The following SLC2A5 variants were observed in gnomAD, a reference collection of about 807,000 sequenced individuals.
SLC2A5 encodes solute carrier family 2 member 5.
A neutral mutation model predicts 50.3 loss-of-function variants in SLC2A5; 56 were observed. That is an observed-to-expected ratio of 1.11 (90% CI 0.90 to 1.39). The LOEUF (loss-of-function observed/expected upper bound fraction) is 1.39. Among genes scored for constraint, SLC2A5 ranks in the 40% most tolerant of loss-of-function variants. The probability of loss-of-function intolerance (pLI) is 0.00; values close to 1 mark genes in which losing one functional copy is unlikely to be tolerated. For synonymous variants in SLC2A5, 269 were observed against 281.9 expected, an observed-to-expected ratio of 0.95 and a Z score of 0.46; for missense variants, 566 against 650.1, an observed-to-expected ratio of 0.87 and a Z score of 1.41.
Position 9,059,715 on chromosome 1 carries a change from T to C in SLC2A5, c.34-1465A>G, listed in dbSNP as rs542279502. 2.6e-5 allele frequency among the ~76,000 whole-genome samples: 4 copies of C among 151,330 alleles called. No homozygotes were observed. The East Asian group carries it at 5.8e-4, about 22-fold the overall frequency. ...TGGCTAATTAAAAAATATATTTTTA[T>C]AGAGACAGGGGTCTCATTATATTGT... On this transcript the variant is annotated intron_variant, in intron 1 of 11. Transcript: ENST00000377424.
At position 9,039,824 on chromosome 1, in the gene SLC2A5, G is replaced by A. The variant is rs1641249364; in HGVS notation, c.861C>T (p.Gly287=). 6.2e-7 allele frequency: 1 copy of A among 1,601,548 alleles called. No homozygotes were observed. The highest frequency in any genetic ancestry group is 8.5e-7 in the Non-Finnish European group (1 of 1,174,818). Residue 287 remains glycine, a synonymous_variant, in exon 7 of 12, where the codon GGC becomes GGT. Coordinates refer to ENST00000377424, the MANE Select transcript of SLC2A5 (RefSeq NM_003039.3). ...QLLSIIVLMG[G]QQLSGVNAIY... ...CAGCGTTGACGCCCGACAGCTGCTG[G>A]CCGCCCATGAGGACGATGATGGACA...
intron 2 of SLC2A5, among the ~76,000 whole-genome samples, chr1:9,081,483 A>G (rs1469339946): frequency 2.0e-5 from 3 of 150,512 alleles, no homozygotes; most frequent in Admixed American, 2.0e-4. Flanking sequence ...AAAAAAAAAA[A>G]AAAAAAGTAA....
chr1:9,038,063 G>C (rs192033698), intron 10 of SLC2A5, 39 bp from the exon 11 acceptor site: 10 of 1,608,002 alleles, frequency 6.2e-6, no homozygotes, highest in Admixed American at 1.7e-5. Flanking sequence ...AAGGCAGAGC[G>C]GGCCCGAGCA....
chr1:9,039,007 G>T, intron 8 of SLC2A5, 78 bp from the exon 9 acceptor site: 1 of 1,531,764 alleles, frequency 6.5e-7, no homozygotes, highest in South Asian at 1.2e-5. Context: ...GGGCAGCTGT[G>T]AGGAGAGCTG....
At chr1:9,062,586 TC>T (rs1641973480) in intron 1 of SLC2A5, among the ~76,000 whole-genome samples, 1 of 151,992 alleles carries the variant, frequency 6.6e-6, no homozygotes, top group Non-Finnish European at 1.5e-5. Flanking sequence ...AAAAAATTAC[TC>T]CAGGCTGGGC....
At chr1:9,078,288 C>T (rs976378260) in intron 2 of SLC2A5, among the ~76,000 whole-genome samples, 1 of 152,128 alleles carries the variant, frequency 6.6e-6, no homozygotes, top group Non-Finnish European at 1.5e-5. Context: ...GCTTCTTTAC[C>T]ACATCCTTTC....
chr1:9,065,254 T>G (rs1402978850), intron 1 of SLC2A5, among the ~76,000 whole-genome samples: 3 of 152,136 alleles, frequency 2.0e-5, no homozygotes, highest in Non-Finnish European at 4.4e-5. Flanking sequence ...TTGGCCCCAG[T>G]ACACTCTCTA....
At chr1:9,070,551 G>GC (rs1034548571), upstream of SLC2A5, among the ~76,000 whole-genome samples, 3 of 152,148 alleles carry the variant, frequency 2.0e-5, no homozygotes, top group African/African-American at 4.8e-5. Context: ...GCCACTGTCA[G>GC]CCCCCCATGT....
At chr1:9,042,570 GTA>G (rs1236258684) in intron 4 of SLC2A5, among the ~76,000 whole-genome samples, 2 of 107,918 alleles carry the variant, frequency 1.9e-5, no homozygotes, top group Non-Finnish European at 3.6e-5. Context: ...GCATGTGTGT[GTA>G]CATATATATA....
At chr1:9,075,311 T>A (rs745547270) in intron 2 of SLC2A5, among the ~76,000 whole-genome samples, 4 of 152,150 alleles carry the variant, frequency 2.6e-5, no homozygotes, top group Non-Finnish European at 5.9e-5. Flanking sequence ...ACATCCCGGT[T>A]GACAGAAGAA....
rs1641178918 is a variant in SLC2A5, at chr1:9,037,973, G to A, written c.1226C>T (p.Pro409Leu). Residue 409 changes from proline to leucine, a missense_variant, in exon 11 of 12, where the codon CCA (proline) becomes CTA (leucine). Physicochemically the swap from Pro to Leu is moderately conservative, Grantham distance 98 (BLOSUM62 -3). Transcript: ENST00000377424. Reference sequence around the variant, plus strand: ...ACTGCCCCCCACCATGAAGGCAGATGGCCGAGAGGACTGCAGGAAGATCTC... The same window carrying A: ...ACTGCCCCCCACCATGAAGGCAGATAGCCGAGAGGACTGCAGGAAGATCTC... ...ITEIFLQSSR[P>L]SAFMVGGSVH... The A allele has an allele frequency of 6.2e-7, 1 of 1,614,022 alleles. No individual in the cohort carries two copies.
At chr1:9,079,078 C>T (rs751336004) in intron 2 of SLC2A5, among the ~76,000 whole-genome samples, 1 of 152,146 alleles carries the variant, frequency 6.6e-6, no homozygotes, top group Non-Finnish European at 1.5e-5. Flanking sequence ...CCACACCCCA[C>T]CTTGGGCATG....
At chr1:9,061,929 C>A (rs537632199) in intron 1 of SLC2A5, among the ~76,000 whole-genome samples, 1 of 152,164 alleles carries the variant, frequency 6.6e-6, no homozygotes, top group East Asian at 1.9e-4. Context: ...GAGATCAGAG[C>A]GACTAAATGA....
At chr1:9,085,764 CG>C (rs1642395438) in intron 1 of SLC2A5, among the ~76,000 whole-genome samples, 1 of 152,094 alleles carries the variant, frequency 6.6e-6, no homozygotes, top group Non-Finnish European at 1.5e-5. Flanking sequence ...TGGTGCAGGA[CG>C]GGGCAGGTTT....
rs1366141384 is a variant in SLC2A5, at chr1:9,039,027, GGTGCCCACCCAT to G, written c.997-110_997-99del. The G allele has an allele frequency of 3.6e-6, 5 of 1,403,390 alleles. No homozygotes were observed. The African/African-American group carries it at 5.7e-5, about 16-fold the overall frequency. 86.9% of individuals were successfully genotyped at this position (1,403,390 alleles called of 1,614,324 possible). On this transcript the variant is annotated intron_variant, in intron 8 of 11. Transcript: ENST00000377424. Reference sequence around the variant, plus strand: ...GCTGTGAGGAGAGCTGGGCGGACCGGGTGCCCACCCATGTGCACGCACACTCACATTCACATG... The same window carrying G: ...GCTGTGAGGAGAGCTGGGCGGACCGGGTGCACGCACACTCACATTCACATG...
At chr1:9,067,891 G>C (rs1416812739) in intron 1 of SLC2A5, among the ~76,000 whole-genome samples, 1 of 152,112 alleles carries the variant, frequency 6.6e-6, no homozygotes, top group Non-Finnish European at 1.5e-5. Flanking sequence ...TGATTGAAAA[G>C]TAGTAACATT....
At chr1:9,091,267 C>T (rs145639492), upstream of SLC2A5, among the ~76,000 whole-genome samples, 912 of 152,304 alleles carry the variant, frequency 6.0e-3, 5 homozygotes, top group African/African-American at 0.021. Flanking sequence ...CGCTTTAGGC[C>T]TTCCAAATCC....
At chr1:9,068,189 C>CAAA (rs755203801) in intron 1 of SLC2A5, among the ~76,000 whole-genome samples, 30,326 of 76,674 alleles carry the variant, frequency 0.4, 5,688 homozygotes, top group East Asian at 0.61. Flanking sequence ...GACTCTGTGT[C>CAAA]AAAAAAAAAA....
chr1:9,058,065 G>A (rs1037939021), intron 2 of SLC2A5, 87 bp downstream of exon 2: 23 of 947,364 alleles, frequency 2.4e-5, no homozygotes, highest in South Asian at 1.6e-4. Context: ...GACCCACTGC[G>A]TGAACAGCCC....
Sources: allele counts gnomAD v4.1 joint callset (sites outside exome capture counted in the v4.1 genomes callset), GRCh38; gene constraint gnomAD v4.1.1; transcripts MANE v1.5; gene names NCBI Gene and HGNC (gene_info 2026-07-23, HGNC 2026-07-21).